The following ATG10 variants were observed in gnomAD, a reference collection of about 807,000 sequenced individuals.
The protein encoded by ATG10 is ubiquitin-like-conjugating enzyme ATG10.
Under a neutral mutation model 32.1 loss-of-function variants are expected in ATG10, and 30 were observed. The ratio of observed to expected loss-of-function variants is 0.94; its 90% CI spans 0.70 to 1.27. The LOEUF (loss-of-function observed/expected upper bound fraction) is 1.27, where lower values mean the gene tolerates loss of function less well. Ranked by LOEUF, ATG10 falls within the 50% of genes most tolerant of loss-of-function variation. ATG10 has a pLI of 0.00. For synonymous variants in ATG10, 87 were observed against 91.5 expected (o/e 0.95, Z 0.28); for missense variants, 233 against 262.3 (o/e 0.89, Z 0.77).
intron 1 of ATG10, among the ~76,000 whole-genome samples, chr5:81,984,595 A>G (rs2149662997): frequency 6.6e-6 from 1 of 152,324 alleles, no homozygotes; most frequent in African/African-American, 2.4e-5. Flanking sequence ...AAGATTTTTC[A>G]TTTGCAAAAT....
intron 5 of ATG10, among the ~76,000 whole-genome samples, chr5:82,247,560 A>G (rs1747085397): frequency 6.6e-6 from 1 of 152,106 alleles, no homozygotes; most frequent in Non-Finnish European, 1.5e-5. Context: ...TTTTAATTCT[A>G]GTTTTCTTTA....
intron 2 of ATG10, among the ~76,000 whole-genome samples, chr5:82,014,175 T>C (rs1762210319): frequency 6.6e-6 from 1 of 152,238 alleles, no homozygotes; most frequent in Non-Finnish European, 1.5e-5. Flanking sequence ...CTAGTTTGAT[T>C]GCACTGTGGT....
At chr5:82,051,587 T>C (rs1031366710) in intron 2 of ATG10, among the ~76,000 whole-genome samples, 3 of 152,210 alleles carry the variant, frequency 2.0e-5, no homozygotes, top group African/African-American at 7.2e-5. Context: ...TCACTCTTTA[T>C]ACAAAGTTAC....
intron 5 of ATG10, among the ~76,000 whole-genome samples, chr5:82,194,162 T>A (rs968437218): frequency 4.6e-5 from 7 of 152,126 alleles, no homozygotes; most frequent in African/African-American, 1.4e-4. Flanking sequence ...ACATTGGAAC[T>A]ATTATTTGTG....
At chr5:82,209,568 G>A (rs1745421609) in intron 5 of ATG10, among the ~76,000 whole-genome samples, 1 of 152,164 alleles carries the variant, frequency 6.6e-6, no homozygotes, top group African/African-American at 2.4e-5. Flanking sequence ...TTCTAGAAGT[G>A]TAAGAAACAA....
intron 1 of ATG10, among the ~76,000 whole-genome samples, chr5:81,984,909 A>G (rs973182356): frequency 4.6e-5 from 7 of 152,236 alleles, no homozygotes; most frequent in Admixed American, 4.6e-4. Flanking sequence ...TATTTTTAAT[A>G]TACCATACTT....
intron 3 of ATG10, among the ~76,000 whole-genome samples, chr5:82,077,110 T>C (rs562091414): frequency 6.6e-6 from 1 of 152,298 alleles, no homozygotes; most frequent in South Asian, 2.1e-4. Flanking sequence ...ACGCTTCAGC[T>C]CAGGAGTTCG....
At chr5:82,027,083 TA>T (rs1762615205) in intron 2 of ATG10, among the ~76,000 whole-genome samples, 2 of 149,276 alleles carry the variant, frequency 1.3e-5, no homozygotes. Context: ...ATAAAATAAA[TA>T]AATAAATAAA....
intron 1 of ATG10, among the ~76,000 whole-genome samples, chr5:81,984,217 G>A (rs1047969801): frequency 1.3e-5 from 2 of 152,270 alleles, no homozygotes; most frequent in African/African-American, 4.8e-5. Flanking sequence ...TCGCGGTTAG[G>A]AGCTGGAGAC....
At chr5:82,229,499 G>T (rs1746262365) in intron 5 of ATG10, among the ~76,000 whole-genome samples, 1 of 152,218 alleles carries the variant, frequency 6.6e-6, no homozygotes, top group Admixed American at 6.5e-5. Flanking sequence ...TTTCATGTCA[G>T]TGTATCCACA....
chr5:81,995,606 C>T (rs1326710670), intron 2 of ATG10, among the ~76,000 whole-genome samples: 1 of 152,056 alleles, frequency 6.6e-6, no homozygotes, highest in Non-Finnish European at 1.5e-5. Flanking sequence ...ACTTTCATTT[C>T]CTGTTTTCTA....
At chr5:82,079,637 T>TA (rs2149779598) in intron 3 of ATG10, among the ~76,000 whole-genome samples, 1 of 152,106 alleles carries the variant, frequency 6.6e-6, no homozygotes, top group Admixed American at 6.5e-5. Context: ...TTCCCTGTGA[T>TA]AGTTTGCTGA....
chr5:82,211,511 G>C (rs1413575231), intron 5 of ATG10, among the ~76,000 whole-genome samples: 1 of 151,954 alleles, frequency 6.6e-6, no homozygotes, highest in Non-Finnish European at 1.5e-5. Context: ...CCTTTTCCAT[G>C]GTGGAAAGGT....
In ATG10 at chr5:82,215,130, G is replaced by T. The variant is rs145450923; in HGVS notation, c.453+36543G>T. Among the ~76,000 whole-genome samples, 814 of 152,248 alleles carry T rather than the reference G, an allele frequency of 5.3e-3. 6 individuals are homozygous for T. The highest frequency in any genetic ancestry group is 0.014 in the Middle Eastern group (4 of 294). ...GTTCTGGGTCTCTCACTGGGCTGAC[G>T]TCATCTCAAGGCTTGATGGGGAAGG... On this transcript the variant is annotated intron_variant, in intron 5 of 7. Coordinates refer to ENST00000282185, the MANE Select transcript of ATG10 (RefSeq NM_031482.5).
chr5:82,045,389 T>A (rs1480894914), intron 2 of ATG10, among the ~76,000 whole-genome samples: 1 of 152,078 alleles, frequency 6.6e-6, no homozygotes, highest in Non-Finnish European at 1.5e-5. Context: ...ACCTTAAAAT[T>A]AGGAACACAG....
At chr5:82,176,784 T>C (rs568003507) in intron 4 of ATG10, among the ~76,000 whole-genome samples, 1 of 152,314 alleles carries the variant, frequency 6.6e-6, no homozygotes, top group African/African-American at 2.4e-5. Context: ...TAAATCTTGT[T>C]CATTTTACAG....
At chr5:82,020,017 C>T (rs914662942) in intron 2 of ATG10, among the ~76,000 whole-genome samples, 1 of 152,304 alleles carries the variant, frequency 6.6e-6, no homozygotes, top group Admixed American at 6.5e-5. Context: ...CTGCAGGCGC[C>T]TCTGAAGCGC....
At chr5:82,191,519 T>G (rs1337595986) in intron 5 of ATG10, among the ~76,000 whole-genome samples, 1 of 152,222 alleles carries the variant, frequency 6.6e-6, no homozygotes, top group Non-Finnish European at 1.5e-5. Context: ...GTTATGAGGT[T>G]GATACTATTC....
At chr5:82,036,731 A>G (rs1762935748) in intron 2 of ATG10, among the ~76,000 whole-genome samples, 1 of 152,196 alleles carries the variant, frequency 6.6e-6, no homozygotes, top group Non-Finnish European at 1.5e-5. Context: ...TTTTATAAAA[A>G]ACTTGTTGGG....
Sources: gnomAD v4.1 joint callset for allele counts (sites outside exome capture counted in the v4.1 genomes callset) on GRCh38, gnomAD v4.1.1 for gene constraint, MANE v1.5 for transcripts, NCBI Gene and HGNC (gene_info 2026-07-23, HGNC 2026-07-21) for gene names.